WDR35: variants seen among roughly 807,000 people sequenced by gnomAD.
WDR35 encodes WD repeat domain 35.
In WDR35, 118 loss-of-function variants were observed where a neutral mutation model predicts 158.3. The observed-to-expected ratio is 0.75, with a 90% CI of 0.64 to 0.87. The LOEUF (loss-of-function observed/expected upper bound fraction) is 0.87, where lower values mean the gene tolerates loss of function less well. Ranked by LOEUF, WDR35 falls within the 40% of genes least tolerant of loss-of-function variation. The probability of loss-of-function intolerance (pLI) is 0.00; values close to 1 mark genes in which losing one functional copy is unlikely to be tolerated. For synonymous variants in WDR35, 448 were observed against 476.1 expected (o/e 0.94, Z 0.77); for missense variants, 1,263 against 1,405.8 (o/e 0.90, Z 1.62).
intron 24 of WDR35, 124 bp from the exon 25 acceptor site, chr2:19,930,676 CAGACTTTTTTTT>C: frequency 7.0e-7 from 1 of 1,425,746 alleles, no homozygotes; most frequent in Middle Eastern, 2.4e-4. Flanking sequence ...ACTATGATTA[CAGACTTTTTTTT>C]TTAAGAGATG....
intron 15 of WDR35, 57 bp from the exon 16 acceptor site, chr2:19,946,053 A>G (rs1558337723): frequency 1.3e-6 from 2 of 1,528,312 alleles, no homozygotes; most frequent in Non-Finnish European, 1.8e-6. Context: ...ATCAGCAATC[A>G]TGAGAATAAT....
chr2:19,946,640 T>G, intron 14 of WDR35, 70 bp from the exon 15 acceptor site: 7 of 1,394,342 alleles, frequency 5.0e-6, no homozygotes, highest in Non-Finnish European at 7.1e-6. Flanking sequence ...ACTATTTCTC[T>G]ATATGTCTAT....
In WDR35 at chr2:19,913,641, A is replaced by G. The variant is rs1254258873; in HGVS notation, c.3430T>C (p.Cys1144Arg). The G allele has an allele frequency of 1.2e-6, 2 of 1,614,158 alleles. No individual in the cohort carries two copies. The highest frequency in any genetic ancestry group is 8.5e-7 in the Non-Finnish European group (1 of 1,179,986). ...AGGACACCGTGTTTGCATACACTGC[A>G]CATCCAGAATTGATACTCAGTGATT... ...SPITEYQFWM[C>R]SVCKHGVLAQ... Residue 1144 changes from cysteine to arginine, a missense_variant, in exon 27 of 27, where the codon TGC becomes CGC. Physicochemically the swap from Cys to Arg is radical, Grantham distance 180 (BLOSUM62 -3). Coordinates refer to ENST00000281405, the MANE Select transcript of WDR35 (RefSeq NM_020779.4).
chr2:19,929,603 C>G (rs1670465634), intron 25 of WDR35, among the ~76,000 whole-genome samples: 1 of 152,114 alleles, frequency 6.6e-6, no homozygotes. Context: ...AAATTGAGAT[C>G]CTGATATTAC....
chr2:19,926,949 G>A (rs192051498), intron 25 of WDR35, among the ~76,000 whole-genome samples: 98 of 152,226 alleles, frequency 6.4e-4, no homozygotes, highest in African/African-American at 2.1e-3. Context: ...CACTGAGGAG[G>A]ACCCCAGCTG....
intron 25 of WDR35, among the ~76,000 whole-genome samples, chr2:19,914,478 A>G (rs1469274260): frequency 6.6e-6 from 1 of 152,226 alleles, no homozygotes; most frequent in Non-Finnish European, 1.5e-5. Flanking sequence ...CTAACAGCTC[A>G]TCCTATGAAA....
chr2:19,913,463 C>A lies in WDR35; in HGVS notation c.*95G>T. ...ATAAATAATGAGGCTGATTTTCATA[C>A]AAAACTCACAGAAATAAACCTTATT... On this transcript the variant is annotated 3_prime_UTR_variant, in exon 27 of 27. Transcript: ENST00000281405. The A allele has an allele frequency of 6.7e-7, 1 of 1,490,832 alleles. No homozygotes were observed. The highest frequency in any genetic ancestry group is 9.2e-7 in the Non-Finnish European group (1 of 1,089,618). 92.4% of individuals were successfully genotyped at this position (1,490,832 alleles called of 1,614,324 possible).
intron 15 of WDR35, 144 bp downstream of exon 15, chr2:19,946,317 G>T: frequency 2.6e-6 from 2 of 770,914 alleles, no homozygotes; most frequent in South Asian, 1.5e-5. Context: ...TAAACCAAAT[G>T]CAGTATAAAA....
Position 19,936,271 on chromosome 2 carries a change from G to A in WDR35, c.2362C>T (p.Leu788=). 2 of 1,614,030 alleles carry A rather than the reference G, an allele frequency of 1.2e-6. No homozygotes were observed. Among genetic ancestry groups the A allele is most frequent in the Non-Finnish European group, 1.7e-6 (2 of 1,179,940 alleles). ...CCAATGGCATTGTTGGCTTGTTCCA[G>A]GAGACTGTCATCTGCATCACCAGAT... is the stretch of plus-strand genomic sequence containing the variant. ...TGSGDADDSL[L]EQANNAIGDY... The change falls in exon 20 of 27, where the codon CTG becomes TTG. Residue 788 remains leucine, a synonymous_variant. Coordinates refer to ENST00000281405, the MANE Select transcript of WDR35 (RefSeq NM_020779.4).
At chr2:19,943,439 A>T (rs1166396926) in intron 16 of WDR35, among the ~76,000 whole-genome samples, 5 of 152,162 alleles carry the variant, frequency 3.3e-5, no homozygotes, top group African/African-American at 1.2e-4. Flanking sequence ...CATAGCAATT[A>T]GCATGACTTA....
chr2:19,986,364 T>G (rs1355645753), intron 2 of WDR35, among the ~76,000 whole-genome samples: 2 of 152,018 alleles, frequency 1.3e-5, no homozygotes, highest in Admixed American at 6.6e-5. Context: ...TTTAAGGGCA[T>G]GAGAATGAAA....
chr2:19,987,234 T>C (rs1432399731), intron 2 of WDR35, among the ~76,000 whole-genome samples: 2 of 152,368 alleles, frequency 1.3e-5, no homozygotes, highest in African/African-American at 4.8e-5. Flanking sequence ...TGATTGTTAC[T>C]GGACGGATCT....
At position 19,975,571 on chromosome 2, in the gene WDR35, T is replaced by G; in HGVS notation, c.529A>C (p.Asn177His). 6.2e-7 allele frequency: 1 copy of G among 1,614,026 alleles called. No individual in the cohort carries two copies. Among genetic ancestry groups the G allele is most frequent in the Non-Finnish European group, 8.5e-7 (1 of 1,179,950 alleles). ...DSKVLLFGMA[N>H]GEIHIYDNQG... ...TTATCGTAAATGTGTATTTCCCCAT[T>G]TGCCATTCCAAAAAGTAAGACTTTA... The change falls in exon 6 of 27, where the codon AAT (asparagine) becomes CAT (histidine). Residue 177 changes from asparagine to histidine, a missense_variant. Coordinates refer to ENST00000281405, the MANE Select transcript of WDR35 (RefSeq NM_020779.4).
intron 14 of WDR35, 45 bp downstream of exon 14, chr2:19,948,119 A>T (rs1445698417): frequency 6.8e-7 from 1 of 1,476,972 alleles, no homozygotes; most frequent in Non-Finnish European, 9.2e-7. Flanking sequence ...TATTTTTATA[A>T]TTTAAAGAAT....
chr2:19,952,323 T>C (rs1671264191), intron 12 of WDR35, among the ~76,000 whole-genome samples: 1 of 152,194 alleles, frequency 6.6e-6, no homozygotes, highest in African/African-American at 2.4e-5. Flanking sequence ...ACTGATTAGA[T>C]TTATGAAAGT....
chr2:19,955,579 C>T (rs1276440794), intron 11 of WDR35, among the ~76,000 whole-genome samples: 4 of 151,940 alleles, frequency 2.6e-5, no homozygotes, highest in Non-Finnish European at 1.5e-5. Context: ...TACATAAAAG[C>T]AAAAAACTCC....
intron 5 of WDR35, among the ~76,000 whole-genome samples, chr2:19,977,920 C>G (rs1353819746): frequency 6.6e-6 from 1 of 152,204 alleles, no homozygotes; most frequent in Non-Finnish European, 1.5e-5. Context: ...TACACACCAA[C>G]CTACCTTGTG....
At chr2:19,949,392 T>C (rs1671164106) in intron 13 of WDR35, among the ~76,000 whole-genome samples, 1 of 152,182 alleles carries the variant, frequency 6.6e-6, no homozygotes, top group Non-Finnish European at 1.5e-5. Flanking sequence ...ATTAGATTTA[T>C]ATTTTAGAAA....
Position 19,989,710 on chromosome 2 carries a change from A to G in WDR35, c.24+282T>C, listed in dbSNP as rs568366953. ...ATCAGCAACAAGTGGAGGAGGAAAC[A>G]TAGGGTAGCACGTGGCGACTTATCC... On this transcript the variant is annotated intron_variant, in intron 1 of 26. Transcript: ENST00000281405. Among the ~76,000 whole-genome samples the G allele has an allele frequency of 1.7e-4, 26 of 152,346 alleles. No homozygotes were observed. In the South Asian group the frequency reaches 5.4e-3, roughly 32 times the overall value.
Sources: allele counts gnomAD v4.1 joint callset (sites outside exome capture counted in the v4.1 genomes callset), GRCh38; gene constraint gnomAD v4.1.1; transcripts MANE v1.5; gene names NCBI Gene and HGNC (gene_info 2026-07-23, HGNC 2026-07-21).